The following CUX1 variants were observed in gnomAD, a reference collection of about 807,000 sequenced individuals.
CUX1 encodes the protein protein CASP.
Under a neutral mutation model 158.8 loss-of-function variants are expected in CUX1, and 31 were observed. The ratio of observed to expected loss-of-function variants is 0.20; its 90% CI spans 0.15 to 0.26. The LOEUF is 0.26. CUX1 is among the 10% of genes least tolerant of loss of function. The probability of loss-of-function intolerance (pLI) is 1.00; values close to 1 mark genes in which losing one functional copy is unlikely to be tolerated. For synonymous variants in CUX1, 879 were observed against 862.1 expected, an observed-to-expected ratio of 1.02 and a Z score of -0.34; for missense variants, 1,589 against 2,014.6, an observed-to-expected ratio of 0.79 and a Z score of 4.04.
intron 2 of CUX1, among the ~76,000 whole-genome samples, chr7:101,976,392 A>G (rs1385145238): frequency 6.6e-6 from 1 of 152,206 alleles, no homozygotes; most frequent in East Asian, 1.9e-4. Flanking sequence ...AAATATTCTG[A>G]ATAAAAGAAA....
At chr7:102,207,001 A>C (rs1207949066) in intron 20 of CUX1, among the ~76,000 whole-genome samples, 2 of 152,182 alleles carry the variant, frequency 1.3e-5, no homozygotes, top group African/African-American at 2.4e-5. Flanking sequence ...GACGGAACAA[A>C]TCCTTGAAGA....
At chr7:102,112,538 G>A (rs1157220082) in intron 7 of CUX1, among the ~76,000 whole-genome samples, 3 of 150,616 alleles carry the variant, frequency 2.0e-5, no homozygotes, top group Non-Finnish European at 2.9e-5. Flanking sequence ...ACCGCGCCCA[G>A]CCCTCTCTCT....
intron 8 of CUX1, among the ~76,000 whole-genome samples, chr7:102,148,002 A>T (rs994472604): frequency 4.3e-4 from 66 of 152,162 alleles, no homozygotes; most frequent in Non-Finnish European, 8.5e-4. Flanking sequence ...ATAAATAAAT[A>T]AATTTGCATA....
chr7:101,835,476 T>G lies in CUX1; in HGVS notation c.30+17807T>G, dbSNP rs188452738. Among the ~76,000 whole-genome samples, 24 of 152,360 alleles carry G rather than the reference T, an allele frequency of 1.6e-4. No homozygotes were observed. In the East Asian group the frequency reaches 4.4e-3, roughly 28 times the overall value. ...CTGTGAACATTCGTGTACAAATGTTTGTATGAATGCAGTTTTCCATTTTCT... is the reference window on the plus strand; with the variant it reads ...CTGTGAACATTCGTGTACAAATGTTGGTATGAATGCAGTTTTCCATTTTCT... On this transcript the variant is annotated intron_variant, in intron 1 of 23. Transcript: ENST00000292535.
chr7:101,913,308 C>T (rs781581382), intron 1 of CUX1: 97 of 1,221,604 alleles, frequency 7.9e-5, no homozygotes, highest in Admixed American at 9.7e-5. Flanking sequence ...TGGAGACCCC[C>T]GTGGGTTTCC....
At chr7:102,029,810 G>A (rs1257310859) in intron 3 of CUX1, among the ~76,000 whole-genome samples, 1 of 152,158 alleles carries the variant, frequency 6.6e-6, no homozygotes, top group Non-Finnish European at 1.5e-5. Context: ...GTTGATGAGT[G>A]AGGCTGTTAC....
Position 102,201,367 on chromosome 7 carries a change from G to C in CUX1, c.2070G>C (p.Pro690=). ...RELQVQKTAE[P]AQPSSASGSG... Reference sequence around the variant, plus strand: ...CCCTGTTTCTCCATGCAGCAGAGCCGGCCCAGCCTTCCTCCGCATCCGGCA... The same window carrying C: ...CCCTGTTTCTCCATGCAGCAGAGCCCGCCCAGCCTTCCTCCGCATCCGGCA... The change falls in exon 18 of 24, where the codon CCG becomes CCC. Residue 690 remains proline (P), a synonymous_variant. Coordinates refer to ENST00000292535, the MANE Select transcript of CUX1 (RefSeq NM_181552.4). This position sits in a 1 kb window ranked among gnomAD's most constrained non-coding sequence, Gnocchi z 5.0. The C allele has an allele frequency of 1.2e-6, 2 of 1,613,084 alleles. No homozygotes were observed. The highest frequency in any genetic ancestry group is 1.7e-6 in the Non-Finnish European group (2 of 1,179,546).
intron 2 of CUX1, among the ~76,000 whole-genome samples, chr7:101,943,078 C>CTTTTTTTTTTTTTTTT (rs58332486): frequency 1.2e-5 from 1 of 80,326 alleles, no homozygotes; most frequent in Non-Finnish European, 2.3e-5. Context: ...CTGGTCAGTG[C>CTTTTTTTTTTTTTTTT]TTTTTTTTTT....
intron 1 of CUX1, among the ~76,000 whole-genome samples, chr7:101,842,287 C>T (rs539872648): frequency 6.6e-6 from 1 of 152,292 alleles, no homozygotes; most frequent in Non-Finnish European, 1.5e-5. Context: ...GTTATATATG[C>T]AGTATACAAG....
chr7:102,221,694 A>G, intron 20 of CUX1, among the ~76,000 whole-genome samples: 1 of 148,006 alleles, frequency 6.8e-6, no homozygotes, highest in African/African-American at 2.5e-5. Context: ...TGCTTTCTGT[A>G]GCTTGCTCAC....
At chr7:101,846,156 A>G (rs558982802) in intron 1 of CUX1, among the ~76,000 whole-genome samples, 27 of 152,180 alleles carry the variant, frequency 1.8e-4, no homozygotes, top group Non-Finnish European at 2.2e-4. Flanking sequence ...TTAAAAAGGA[A>G]TGATTGGTTT....
rs1801559959 is a variant in CUX1 at position 102,251,914 on chromosome 7, CA to C, written c.*2873del. ...GTCCATTCTAGTGGCCAAACAGTAA[CA>C]GTCTAAAATGCAGTCATTTTGACCC... is the stretch of plus-strand genomic sequence containing the variant. On this transcript the variant is annotated 3_prime_UTR_variant, in exon 24 of 24. Coordinates refer to ENST00000292535, the MANE Select transcript of CUX1 (RefSeq NM_181552.4). 1 of 985,264 alleles carries C rather than the reference CA, an allele frequency of 1.0e-6. No individual in the cohort carries two copies. The highest frequency in any genetic ancestry group is 4.7e-5 in the South Asian group (1 of 21,288). The allele number at this position is 985,264 out of a possible 1,614,324, so 61.0% of individuals were successfully genotyped here. A position where few individuals can be genotyped will look rare whatever the true frequency, so the allele number is the denominator to read the frequency against.
Position 102,252,926 on chromosome 7 carries a change from T to C in CUX1, c.*3884T>C, listed in dbSNP as rs2132667000. 1.0e-6 allele frequency: 1 copy of C among 985,458 alleles called. No individual in the cohort carries two copies. Among genetic ancestry groups the C allele is most frequent in the Non-Finnish European group, 1.2e-6 (1 of 829,948 alleles). 61.0% of individuals were successfully genotyped at this position (985,458 alleles called of 1,614,324 possible). ...TTCTAAGCGTCTCCTGGGACAGGAT[T>C]GGGGTGACAGCCCAGGGATGCATGC... On this transcript the variant is annotated 3_prime_UTR_variant, in exon 24 of 24. Coordinates refer to ENST00000292535, the MANE Select transcript of CUX1 (RefSeq NM_181552.4).
In CUX1 at chr7:102,055,544, CTG is replaced by C. The variant is rs374133819; in HGVS notation, c.190-14792_190-14791del. Among the ~76,000 whole-genome samples the C allele has an allele frequency of 2.1e-4, 32 of 152,318 alleles. 2 individuals are homozygous for C. The East Asian group carries it at 6.0e-3, about 28-fold the overall frequency. On this transcript the variant is annotated intron_variant, in intron 3 of 23. Transcript: ENST00000292535. ...CATAATTGTTTGGGGACACCACAAA[CTG>C]TGCCCCATATAAGATGGCAGACTTA...
chr7:101,959,850 C>G (rs980454554), intron 2 of CUX1, among the ~76,000 whole-genome samples: 1 of 152,062 alleles, frequency 6.6e-6, no homozygotes, highest in Non-Finnish European at 1.5e-5. Flanking sequence ...CCTGTGGACC[C>G]TTTTAAACAT....
chr7:101,978,852 C>T (rs1813054536), intron 2 of CUX1, among the ~76,000 whole-genome samples: 1 of 152,214 alleles, frequency 6.6e-6, no homozygotes, highest in Non-Finnish European at 1.5e-5. Flanking sequence ...TCTACCTTTC[C>T]CTCCTAGAAT....
In CUX1 at chr7:102,201,967, C is replaced by T. The variant is rs1274862675; in HGVS notation, c.2670C>T (p.Ser890=). Residue 890 remains serine (S), a synonymous_variant, in exon 18 of 24, where the codon TCC becomes TCT. Coordinates refer to ENST00000292535, the MANE Select transcript of CUX1 (RefSeq NM_181552.4). This position sits in a 1 kb window ranked among gnomAD's most constrained non-coding sequence, Gnocchi z 5.0. ...KEWPSAESPY[S]QSSELSLTGA... is the part of the protein sequence containing the mutation. ...GGCCCAGCGCTGAGTCCCCATACTC[C>T]CAGAGCTCAGAGCTGAGTCTGACCG... is the stretch of plus-strand genomic sequence containing the variant. 7 of 1,614,056 alleles carry T rather than the reference C, an allele frequency of 4.3e-6. No individual in the cohort carries two copies. Among genetic ancestry groups the T allele is most frequent in the Middle Eastern group, 3.3e-4 (2 of 6,062 alleles).
chr7:102,105,246 C>T (rs1554488083), intron 6 of CUX1, among the ~76,000 whole-genome samples: 2 of 152,062 alleles, frequency 1.3e-5, no homozygotes, highest in South Asian at 2.1e-4. Context: ...ATTACACACA[C>T]GCGCACACAC....
intron 1 of CUX1, among the ~76,000 whole-genome samples, chr7:101,837,003 C>T (rs1285501191): frequency 6.6e-6 from 1 of 152,178 alleles, no homozygotes; most frequent in East Asian, 1.9e-4. Flanking sequence ...ATTTCCTCAT[C>T]CTTTGTAGTT....
Sources: gnomAD v4.1 joint callset for allele counts (sites outside exome capture counted in the v4.1 genomes callset) on GRCh38, gnomAD v4.1.1 for gene constraint, Gnocchi (gnomAD v3.1) non-coding constraint, MANE v1.5 for transcripts, NCBI Gene and HGNC (gene_info 2026-07-23, HGNC 2026-07-21) for gene names.